NR3C2: variants seen among roughly 807,000 people sequenced by gnomAD.
NR3C2 encodes nuclear receptor subfamily 3 group C member 2.
Under a neutral mutation model 86.4 loss-of-function variants are expected in NR3C2, and 15 were observed. That is an observed-to-expected ratio of 0.17 (90% CI 0.12 to 0.27). The LOEUF (loss-of-function observed/expected upper bound fraction) is 0.27. Ranked by LOEUF, NR3C2 falls within the 10% of genes least tolerant of loss-of-function variation. The pLI, the probability that NR3C2 is intolerant of heterozygous loss-of-function variation, is 1.00. For missense variants in NR3C2, 960 were observed against 1,195.6 expected (o/e 0.80, Z 2.91); for synonymous variants, 458 against 450.5 (o/e 1.02, Z -0.21).
chr4:148,413,590 C>T (rs1231806194), intron 2 of NR3C2, among the ~76,000 whole-genome samples: 1 of 151,892 alleles, frequency 6.6e-6, no homozygotes, highest in Non-Finnish European at 1.5e-5. Flanking sequence ...ACTCACATAA[C>T]CAAAAGTTTA....
chr4:148,153,829 A>G (rs1229670897), intron 5 of NR3C2, among the ~76,000 whole-genome samples: 10 of 152,142 alleles, frequency 6.6e-5, no homozygotes, highest in Admixed American at 1.3e-4. Context: ...GTCTCTTACA[A>G]CTTACTTGCT....
chr4:148,205,887 T>C (rs1008984272), intron 3 of NR3C2, among the ~76,000 whole-genome samples: 1 of 151,620 alleles, frequency 6.6e-6, no homozygotes, highest in African/African-American at 2.4e-5. Flanking sequence ...AAAAAAAAAA[T>C]GTTGTCAGAA....
chr4:148,391,605 G>A (rs61764786), intron 2 of NR3C2, among the ~76,000 whole-genome samples: 1,996 of 152,224 alleles, frequency 0.013, 16 homozygotes, highest in Non-Finnish European at 0.021. Flanking sequence ...GGTGGCTCAC[G>A]CCTGTAATCC....
At chr4:148,381,258 T>C (rs1213439898) in intron 2 of NR3C2, among the ~76,000 whole-genome samples, 1 of 151,650 alleles carries the variant, frequency 6.6e-6, no homozygotes, top group African/African-American at 2.4e-5. Flanking sequence ...GGAAGAACAT[T>C]AGGATAAGAA....
intron 2 of NR3C2, among the ~76,000 whole-genome samples, chr4:148,365,112 T>A (rs1476671929): frequency 2.0e-5 from 3 of 152,198 alleles, no homozygotes; most frequent in African/African-American, 7.2e-5. Flanking sequence ...GCAATCCTTT[T>A]CTTAACACTT....
At chr4:148,338,238 GA>G (rs1744587405) in intron 2 of NR3C2, among the ~76,000 whole-genome samples, 1 of 152,120 alleles carries the variant, frequency 6.6e-6, no homozygotes, top group African/African-American at 2.4e-5. Flanking sequence ...TTTCCCTTCA[GA>G]AATTCCTGTT....
chr4:148,377,501 G>A (rs1746739756), intron 2 of NR3C2, among the ~76,000 whole-genome samples: 1 of 152,190 alleles, frequency 6.6e-6, no homozygotes, highest in Non-Finnish European at 1.5e-5. Context: ...ACAGCAACTG[G>A]CAAGAATGTG....
At chr4:148,353,742 C>G (rs1378959364) in intron 2 of NR3C2, among the ~76,000 whole-genome samples, 1 of 152,092 alleles carries the variant, frequency 6.6e-6, no homozygotes, top group African/African-American at 2.4e-5. Flanking sequence ...GAACAATAGA[C>G]TCTCTGTATG....
chr4:148,390,740 T>C (rs775279192), intron 2 of NR3C2, among the ~76,000 whole-genome samples: 28 of 152,132 alleles, frequency 1.8e-4, no homozygotes, highest in Non-Finnish European at 3.5e-4. Flanking sequence ...ACCACTAAAA[T>C]AATGTTAGCA....
At chr4:148,358,654 C>G (rs1745686964) in intron 2 of NR3C2, among the ~76,000 whole-genome samples, 1 of 151,814 alleles carries the variant, frequency 6.6e-6, no homozygotes, top group African/African-American at 2.4e-5. Context: ...AAATAAAATG[C>G]CATATCTCCG....
At chr4:148,348,369 T>G (rs1019698956) in intron 2 of NR3C2, among the ~76,000 whole-genome samples, 4 of 152,174 alleles carry the variant, frequency 2.6e-5, no homozygotes, top group African/African-American at 9.7e-5. Flanking sequence ...GTACATTCTA[T>G]GAAGGCAAGG....
chr4:148,443,004 G>C (rs1429882397), upstream of NR3C2: 1 of 984,348 alleles, frequency 1.0e-6, no homozygotes, highest in Non-Finnish European at 1.2e-6. Context: ...CAGCGTCCGC[G>C]CGCGGGGAGG....
chr4:148,430,013 G>A (rs912225563), intron 2 of NR3C2, among the ~76,000 whole-genome samples: 1 of 152,166 alleles, frequency 6.6e-6, no homozygotes. Context: ...GAAGCAAAGT[G>A]TTGCTCCTAA....
rs1022208365 is a variant in NR3C2 at position 148,248,850 on chromosome 4, T to C, written c.1897+11128A>G. ...GTAATATTACTTAACAAAGAAAAAC[T>C]CTTTAAAATATAACGTTTATAAAGC... On this transcript the variant is annotated intron_variant, in intron 3 of 8. Transcript: ENST00000358102. Among the ~76,000 whole-genome samples, 26 of 152,202 alleles carry C rather than the reference T, an allele frequency of 1.7e-4. 1 individual carries two copies. The highest frequency in any genetic ancestry group is 7.3e-5 in the Non-Finnish European group (5 of 68,038).
intron 2 of NR3C2, among the ~76,000 whole-genome samples, chr4:148,391,484 A>C (rs559740813): frequency 6.6e-5 from 10 of 152,342 alleles, no homozygotes; most frequent in Non-Finnish European, 1.5e-4. Context: ...TCTGCTCCCC[A>C]GAGAAAGGAA....
At chr4:148,193,807 A>C (rs541392375) in intron 4 of NR3C2, among the ~76,000 whole-genome samples, 2 of 152,258 alleles carry the variant, frequency 1.3e-5, no homozygotes, top group South Asian at 4.1e-4. Context: ...TCTAAGTTTA[A>C]ATCTTTGAAG....
chr4:148,310,003 A>C (rs1276151617), intron 2 of NR3C2, among the ~76,000 whole-genome samples: 2 of 152,206 alleles, frequency 1.3e-5, no homozygotes, highest in African/African-American at 4.8e-5. Context: ...ATAATGAGAA[A>C]AAAATCACAG....
chr4:148,284,047 A>C (rs1157104128), intron 2 of NR3C2, among the ~76,000 whole-genome samples: 1 of 152,180 alleles, frequency 6.6e-6, no homozygotes, highest in Admixed American at 6.5e-5. Flanking sequence ...AGATAAGTCT[A>C]TAAAGAAGAA....
upstream of NR3C2, chr4:148,444,158 C>T (rs1750485341): frequency 2.0e-6 from 2 of 985,254 alleles, no homozygotes; most frequent in Admixed American, 1.2e-4. Flanking sequence ...GACCTAGAGC[C>T]TGGGCACGCG....
Sources: allele counts gnomAD v4.1 joint callset (sites outside exome capture counted in the v4.1 genomes callset), GRCh38; gene constraint gnomAD v4.1.1; transcripts MANE v1.5; gene names NCBI Gene and HGNC (gene_info 2026-07-23, HGNC 2026-07-21).